PHF20: variants seen among roughly 807,000 people sequenced by gnomAD.
PHF20 encodes glioma-expressed antigen 2.
Under a neutral mutation model 113.5 loss-of-function variants are expected in PHF20, and 23 were observed. That is an observed-to-expected ratio of 0.20 (90% CI 0.15 to 0.29). The LOEUF is 0.29. Ranked by LOEUF, PHF20 falls within the 10% of genes least tolerant of loss-of-function variation. The probability of loss-of-function intolerance (pLI) is 1.00; values close to 1 mark genes in which losing one functional copy is unlikely to be tolerated. For synonymous variants in PHF20, 434 were observed against 457.3 expected, an observed-to-expected ratio of 0.95 and a Z score of 0.65; for missense variants, 943 against 1,219.6, an observed-to-expected ratio of 0.77 and a Z score of 3.38.
chr20:35,772,828 G>C (rs564069715), intron 1 of PHF20, among the ~76,000 whole-genome samples: 1 of 152,220 alleles, frequency 6.6e-6, no homozygotes, highest in Non-Finnish European at 1.5e-5. Flanking sequence ...ATACTTTCTT[G>C]TATCCCCTCT....
At chr20:35,826,231 A>G (rs529548092) in intron 2 of PHF20, among the ~76,000 whole-genome samples, 2 of 152,182 alleles carry the variant, frequency 1.3e-5, no homozygotes, top group Admixed American at 6.5e-5. Context: ...TTCAGTACAG[A>G]TGGGGTTTCG....
chr20:35,817,943 A>G (rs1424600069), intron 2 of PHF20, among the ~76,000 whole-genome samples: 2 of 151,894 alleles, frequency 1.3e-5, no homozygotes, highest in Non-Finnish European at 2.9e-5. Flanking sequence ...CCCCATCTCT[A>G]CAAAAAAATA....
intron 9 of PHF20, among the ~76,000 whole-genome samples, chr20:35,874,887 A>T (rs1163075000): frequency 1.3e-5 from 2 of 151,724 alleles, no homozygotes; most frequent in Non-Finnish European, 2.9e-5. Flanking sequence ...GGAGTTCAAG[A>T]CTCGCTATAT....
intron 2 of PHF20, among the ~76,000 whole-genome samples, chr20:35,822,762 C>T (rs904936656): frequency 4.8e-5 from 7 of 147,124 alleles, no homozygotes; most frequent in Admixed American, 3.5e-4. Context: ...CGCATGAGCC[C>T]AGGAGTTTGA....
chr20:35,865,495 G>GTTTTTT (rs2054299801), intron 6 of PHF20, among the ~76,000 whole-genome samples: 1 of 124,556 alleles, frequency 8.0e-6, no homozygotes, highest in Non-Finnish European at 1.7e-5. Flanking sequence ...TTTTTAAGTT[G>GTTTTTT]TGTTTTTTTT....
chr20:35,922,922 C>T (rs1452734130), intron 13 of PHF20, among the ~76,000 whole-genome samples: 1 of 152,108 alleles, frequency 6.6e-6, no homozygotes, highest in Non-Finnish European at 1.5e-5. Context: ...TCAAGACCAG[C>T]CTGGGCAACG....
intron 9 of PHF20, among the ~76,000 whole-genome samples, chr20:35,889,754 G>A (rs1370522854): frequency 1.5e-4 from 23 of 151,610 alleles, no homozygotes; most frequent in Non-Finnish European, 3.2e-4. Flanking sequence ...TTGAGACAGG[G>A]TCTCACTCTG....
chr20:35,783,599 TA>T (rs1226252109), intron 1 of PHF20, among the ~76,000 whole-genome samples: 4 of 151,324 alleles, frequency 2.6e-5, no homozygotes, highest in Non-Finnish European at 5.9e-5. Context: ...TTTTTTTTTT[TA>T]TTATTTATAG....
chr20:35,944,356 C>A (rs1481916496), intron 17 of PHF20, among the ~76,000 whole-genome samples: 1 of 152,082 alleles, frequency 6.6e-6, no homozygotes, highest in Admixed American at 6.6e-5. Context: ...CCAGTCTGAG[C>A]GTTGGTGCGC....
At chr20:35,919,336 A>ATTTTT (rs751803907) in intron 13 of PHF20, among the ~76,000 whole-genome samples, 1 of 112,636 alleles carries the variant, frequency 8.9e-6, no homozygotes, top group African/African-American at 3.3e-5. Flanking sequence ...TGTTATGGTA[A>ATTTTT]TTTTTTTTTT....
At chr20:35,915,808 C>T (rs1158328646) in intron 12 of PHF20, among the ~76,000 whole-genome samples, 1 of 152,084 alleles carries the variant, frequency 6.6e-6, no homozygotes, top group Non-Finnish European at 1.5e-5. Flanking sequence ...AAAATTTGAA[C>T]TAGCAATACA....
At chr20:35,924,436 C>T (rs1295187285) in intron 13 of PHF20, among the ~76,000 whole-genome samples, 1 of 151,952 alleles carries the variant, frequency 6.6e-6, no homozygotes, top group East Asian at 1.9e-4. Flanking sequence ...TCAGGTGATC[C>T]GCCCACCTCG....
At chr20:35,803,682 A>ATGTGTGTG (rs1391670416) in intron 2 of PHF20, among the ~76,000 whole-genome samples, 2 of 124,206 alleles carry the variant, frequency 1.6e-5, no homozygotes, top group African/African-American at 8.0e-5. Flanking sequence ...CAGTATATAT[A>ATGTGTGTG]TATGTGTGTG....
chr20:35,867,089 G>T (rs1411526001), intron 6 of PHF20, among the ~76,000 whole-genome samples: 1 of 152,038 alleles, frequency 6.6e-6, no homozygotes, highest in Non-Finnish European at 1.5e-5. Flanking sequence ...TTTATATACG[G>T]TATCAAAGGG....
chr20:35,821,323 T>TA (rs1600782555), intron 2 of PHF20, among the ~76,000 whole-genome samples: 2 of 151,296 alleles, frequency 1.3e-5, no homozygotes, highest in East Asian at 3.9e-4. Flanking sequence ...TAATCCCAGT[T>TA]ACTCAGGAAG....
At chr20:35,844,539 A>G (rs970429680) in intron 3 of PHF20, among the ~76,000 whole-genome samples, 3 of 95,184 alleles carry the variant, frequency 3.2e-5, no homozygotes. Context: ...TTTCTTCACC[A>G]TCACCACACA....
chr20:35,826,935 A>G (rs562122488), intron 2 of PHF20, among the ~76,000 whole-genome samples: 100 of 152,312 alleles, frequency 6.6e-4, no homozygotes, highest in African/African-American at 2.2e-3. Context: ...GTAGGGAAAG[A>G]GTTAAGGCAT....
At chr20:35,870,407 G>T (rs2054399983) in intron 7 of PHF20, among the ~76,000 whole-genome samples, 1 of 152,004 alleles carries the variant, frequency 6.6e-6, no homozygotes. Flanking sequence ...TTTGAACTTG[G>T]GAGGCAGAGG....
At chr20:35,892,601 C>T (rs927819329) in intron 9 of PHF20, among the ~76,000 whole-genome samples, 2 of 152,072 alleles carry the variant, frequency 1.3e-5, no homozygotes, top group African/African-American at 4.8e-5. Flanking sequence ...ATATTTTTAT[C>T]TACTTTTTTT....
Sources: allele counts gnomAD v4.1 joint callset (sites outside exome capture counted in the v4.1 genomes callset), GRCh38; gene constraint gnomAD v4.1.1; transcripts MANE v1.5; gene names NCBI Gene and HGNC (gene_info 2026-07-23, HGNC 2026-07-21).